The following SPON1 variants were observed in gnomAD, a reference collection of about 807,000 sequenced individuals.
SPON1 encodes the protein spondin 1, also known as spondin-1.
A neutral mutation model predicts 111.7 loss-of-function variants in SPON1; 52 were observed. The ratio of observed to expected loss-of-function variants is 0.47; its 90% confidence interval spans 0.37 to 0.59. SPON1 has a LOEUF of 0.59. Ranked by LOEUF, SPON1 falls within the 20% of genes least tolerant of loss-of-function variation. The pLI is 0.00. For missense variants in SPON1, 957 were observed against 1,068.5 expected, an observed-to-expected ratio of 0.90 and a Z score of 1.46; for synonymous variants, 410 against 395.8, an observed-to-expected ratio of 1.04 and a Z score of -0.43.
Position 14,255,641 on chromosome 11 carries a change from T to C in SPON1, c.1093-6T>C, listed in dbSNP as rs1849098033. 2 of 1,613,348 alleles carry C rather than the reference T, an allele frequency of 1.2e-6. No individual in the cohort carries two copies. Among genetic ancestry groups the C allele is most frequent in the Non-Finnish European group, 1.7e-6 (2 of 1,179,546 alleles). The stretch of plus-strand genomic sequence containing the variant: ...TTACTCTCTACCTCTGTATGTTTTC[T>C]TGCAGTCACCCAACAAACCCACCAT... On this transcript the variant is annotated splice_polypyrimidine_tract_variant and splice_region_variant and intron_variant, in intron 8 of 15. Transcript: ENST00000576479.
chr11:14,103,041 A>C (rs1289453310), intron 5 of SPON1, among the ~76,000 whole-genome samples: 1 of 152,004 alleles, frequency 6.6e-6, no homozygotes, highest in Non-Finnish European at 1.5e-5. Context: ...GTGGTGATAT[A>C]AATGTTCTGC....
At chr11:14,037,191 A>G (rs1162458470) in intron 2 of SPON1, among the ~76,000 whole-genome samples, 1 of 152,048 alleles carries the variant, frequency 6.6e-6, no homozygotes, top group Non-Finnish European at 1.5e-5. Flanking sequence ...TACATATGCC[A>G]TGTTGGTGTG....
chr11:14,182,978 AAAAT>A (rs1403708201), intron 6 of SPON1, among the ~76,000 whole-genome samples: 3 of 152,236 alleles, frequency 2.0e-5, no homozygotes, highest in Non-Finnish European at 2.9e-5. Context: ...AGAATATAAC[AAAAT>A]AAATAAAGAC....
chr11:14,213,384 A>C (rs1248522468), intron 6 of SPON1, among the ~76,000 whole-genome samples: 5 of 149,122 alleles, frequency 3.4e-5, no homozygotes, highest in Admixed American at 1.3e-4. Flanking sequence ...CTTGTTTCTC[A>C]TTCCTTTTTT....
intron 2 of SPON1, among the ~76,000 whole-genome samples, chr11:14,004,115 T>A (rs1309516511): frequency 1.3e-5 from 2 of 152,188 alleles, no homozygotes; most frequent in Non-Finnish European, 2.9e-5. Context: ...GCAAGATCTC[T>A]TTCTGTTCTA....
At chr11:14,152,711 C>A (rs1216257348) in intron 6 of SPON1, among the ~76,000 whole-genome samples, 1 of 152,156 alleles carries the variant, frequency 6.6e-6, no homozygotes, top group Admixed American at 6.6e-5. Context: ...TTCATATTAT[C>A]TTGAGAAAAA....
intron 6 of SPON1, among the ~76,000 whole-genome samples, chr11:14,229,663 G>A (rs1848774733): frequency 6.6e-6 from 1 of 152,154 alleles, no homozygotes; most frequent in Non-Finnish European, 1.5e-5. Flanking sequence ...CGGGAGCCCA[G>A]CACAGTGTCC....
chr11:13,986,952 C>T (rs1848190230), intron 2 of SPON1, among the ~76,000 whole-genome samples: 1 of 152,150 alleles, frequency 6.6e-6, no homozygotes, highest in Non-Finnish European at 1.5e-5. Flanking sequence ...TTTTCTTTAT[C>T]CAGTCTATTA....
At chr11:14,245,296 A>G (rs1848976782) in intron 7 of SPON1, among the ~76,000 whole-genome samples, 2 of 152,168 alleles carry the variant, frequency 1.3e-5, no homozygotes, top group African/African-American at 4.8e-5. Flanking sequence ...CAGCAAACTA[A>G]TGGCTCATCC....
intron 6 of SPON1, among the ~76,000 whole-genome samples, chr11:14,194,083 T>C (rs995382170): frequency 2.0e-5 from 3 of 152,224 alleles, no homozygotes; most frequent in African/African-American, 7.2e-5. Context: ...TGCCAGAGGC[T>C]CCTCATCCTG....
chr11:14,067,986 A>G (rs782796662), intron 3 of SPON1, among the ~76,000 whole-genome samples: 1 of 152,252 alleles, frequency 6.6e-6, no homozygotes, highest in Non-Finnish European at 1.5e-5. Context: ...GCTTTGTGGC[A>G]CTTACTCTGT....
At chr11:14,104,355 T>G (rs1015823321) in intron 5 of SPON1, among the ~76,000 whole-genome samples, 23 of 152,052 alleles carry the variant, frequency 1.5e-4, no homozygotes, top group Admixed American at 5.2e-4. Context: ...CCCCTAGATG[T>G]TCTTTGGTAT....
At chr11:14,195,524 C>A (rs1018477666) in intron 6 of SPON1, among the ~76,000 whole-genome samples, 1 of 152,132 alleles carries the variant, frequency 6.6e-6, no homozygotes, top group South Asian at 2.1e-4. Context: ...AAATTATGCC[C>A]ATGAGCATAA....
chr11:14,167,922 A>G (rs1334146234), intron 6 of SPON1, among the ~76,000 whole-genome samples: 1 of 152,152 alleles, frequency 6.6e-6, no homozygotes, highest in East Asian at 1.9e-4. Flanking sequence ...GTTTTGTCCC[A>G]TTACTCTTTT....
At chr11:14,075,042 A>G (rs782077675) in intron 3 of SPON1, among the ~76,000 whole-genome samples, 3 of 152,224 alleles carry the variant, frequency 2.0e-5, no homozygotes, top group Non-Finnish European at 4.4e-5. Flanking sequence ...AGTTATTAAA[A>G]TACTGTTAGT....
At chr11:14,024,335 G>A (rs782441921) in intron 2 of SPON1, among the ~76,000 whole-genome samples, 2 of 152,158 alleles carry the variant, frequency 1.3e-5, no homozygotes, top group Non-Finnish European at 2.9e-5. Context: ...TGTATCCTGA[G>A]TTCTTGCCCA....
chr11:14,020,152 G>A (rs1365784107), intron 2 of SPON1, among the ~76,000 whole-genome samples: 1 of 152,150 alleles, frequency 6.6e-6, no homozygotes, highest in African/African-American at 2.4e-5. Flanking sequence ...CTCTAGGGAG[G>A]GAGGACATTT....
At chr11:14,001,682 A>G (rs1554912464) in intron 2 of SPON1, among the ~76,000 whole-genome samples, 1 of 152,242 alleles carries the variant, frequency 6.6e-6, no homozygotes, top group Non-Finnish European at 1.5e-5. Flanking sequence ...GGATTACAAC[A>G]GAGAGGGCTG....
chr11:14,168,994 TA>T (rs1407736391), intron 6 of SPON1, among the ~76,000 whole-genome samples: 1 of 152,216 alleles, frequency 6.6e-6, no homozygotes, highest in African/African-American at 2.4e-5. Flanking sequence ...CAGCATGATT[TA>T]TAATCCTTTG....
Sources: allele counts gnomAD v4.1 joint callset (sites outside exome capture counted in the v4.1 genomes callset), GRCh38; gene constraint gnomAD v4.1.1; transcripts MANE v1.5; gene names NCBI Gene and HGNC (gene_info 2026-07-23, HGNC 2026-07-21).